CELF4: variants seen among roughly 807,000 people sequenced by gnomAD.
CELF4 encodes CUGBP Elav-like family member 4, also known as CUG-BP- and ETR-3-like factor 4.
CELF4 carries 18 observed loss-of-function variants against 59.9 expected under a neutral mutation model. That is an observed-to-expected ratio of 0.30 (90% CI 0.21 to 0.45). The LOEUF is 0.45. CELF4 is among the 20% of genes least tolerant of loss of function. The pLI, the probability that CELF4 is intolerant of heterozygous loss-of-function variation, is 1.00. For missense variants in CELF4, 456 were observed against 689.0 expected, an observed-to-expected ratio of 0.66 and a Z score of 3.79; for synonymous variants, 261 against 267.1, an observed-to-expected ratio of 0.98 and a Z score of 0.22.
At chr18:37,411,224 G>C (rs1348276917) in intron 2 of CELF4, among the ~76,000 whole-genome samples, 2 of 152,166 alleles carry the variant, frequency 1.3e-5, no homozygotes, top group African/African-American at 2.4e-5. Context: ...CCAAAGTGTT[G>C]GGATTACAGA....
At chr18:37,437,513 G>A (rs2099696761) in intron 2 of CELF4, among the ~76,000 whole-genome samples, 1 of 152,194 alleles carries the variant, frequency 6.6e-6, no homozygotes, top group Non-Finnish European at 1.5e-5. Context: ...GGGGGAATGG[G>A]GGCATAAATG....
At chr18:37,547,157 T>TGGG (rs60868823) in intron 1 of CELF4, among the ~76,000 whole-genome samples, 1 of 103,854 alleles carries the variant, frequency 9.6e-6, no homozygotes, top group South Asian at 4.1e-4. Context: ...TGTGTGTGTG[T>TGGG]GTGGTGTGTG....
At chr18:37,299,436 T>TG (rs2095862016) in intron 3 of CELF4, among the ~76,000 whole-genome samples, 2 of 152,002 alleles carry the variant, frequency 1.3e-5, no homozygotes, top group African/African-American at 4.8e-5. Flanking sequence ...CCCAGGGGCC[T>TG]GGTATGGGGG....
At chr18:37,302,597 G>A (rs1055091517) in intron 3 of CELF4, among the ~76,000 whole-genome samples, 1 of 152,232 alleles carries the variant, frequency 6.6e-6, no homozygotes, top group Non-Finnish European at 1.5e-5. Flanking sequence ...TTTCCTGGAG[G>A]TGGGGAGGTG....
chr18:37,381,578 A>C (rs964896036), intron 2 of CELF4, among the ~76,000 whole-genome samples: 2 of 152,100 alleles, frequency 1.3e-5, no homozygotes, highest in Non-Finnish European at 2.9e-5. Flanking sequence ...CAAAACCCCC[A>C]TTTGAATGGG....
In CELF4 at chr18:37,519,434, G is replaced by A. The variant is rs556933336; in HGVS notation, c.287-33827C>T. Among the ~76,000 whole-genome samples, 168 of 152,184 alleles carry A rather than the reference G, an allele frequency of 1.1e-3. 1 individual carries two copies. The highest frequency in any genetic ancestry group is 3.9e-3 in the African/African-American group (162 of 41,522). ...TTTGCGCCTTCCTCCCCCTTCTGCAGGTCATCTTTCTTGGAGGCTTCAGTG... is the reference window on the plus strand; with the variant it reads ...TTTGCGCCTTCCTCCCCCTTCTGCAAGTCATCTTTCTTGGAGGCTTCAGTG... On this transcript the variant is annotated intron_variant, in intron 1 of 12. Coordinates refer to ENST00000420428, the MANE Select transcript of CELF4 (RefSeq NM_020180.4).
chr18:37,504,695 C>T lies in CELF4; in HGVS notation c.287-19088G>A, dbSNP rs150470157. The stretch of plus-strand genomic sequence containing the variant: ...TCACCACCAGCACAATGAAGCACTG[C>T]CTCGGGCGAGGGGCGGTGCTTAGCA... On this transcript the variant is annotated intron_variant, in intron 1 of 12. Coordinates refer to ENST00000420428, the MANE Select transcript of CELF4 (RefSeq NM_020180.4). Among the ~76,000 whole-genome samples, 71 of 152,248 alleles carry T rather than the reference C, an allele frequency of 4.7e-4. 1 individual carries two copies. Among genetic ancestry groups the T allele is most frequent in the African/African-American group, 1.7e-3 (69 of 41,532 alleles).
chr18:37,253,711 G>T lies in CELF4; in HGVS notation c.*44+56C>A. ...CCCACGGAGGCCGGAGGAGGCGGCGGGTCCGTCTGGTTCCCTCCCAACCCC... is the reference window on the plus strand; with the variant it reads ...CCCACGGAGGCCGGAGGAGGCGGCGTGTCCGTCTGGTTCCCTCCCAACCCC... On this transcript the variant is annotated intron_variant, in intron 12 of 12. Coordinates refer to ENST00000420428, the MANE Select transcript of CELF4 (RefSeq NM_020180.4). The surrounding 1 kb of genome is among the most constrained non-coding windows in gnomAD (Gnocchi z 4.5). 1 of 1,354,048 alleles carries T rather than the reference G, an allele frequency of 7.4e-7. No individual in the cohort carries two copies. Among genetic ancestry groups the T allele is most frequent in the Non-Finnish European group, 9.9e-7 (1 of 1,013,908 alleles). The allele number at this position is 1,354,048 out of a possible 1,614,324, so 83.9% of individuals were successfully genotyped here.
At chr18:37,505,761 T>C (rs2099937097) in intron 1 of CELF4, among the ~76,000 whole-genome samples, 1 of 152,182 alleles carries the variant, frequency 6.6e-6, no homozygotes, top group African/African-American at 2.4e-5. Context: ...CTGCCCAGAC[T>C]CTACAGGGGG....
At chr18:37,449,553 C>T (rs569963615) in intron 2 of CELF4, among the ~76,000 whole-genome samples, 1 of 152,260 alleles carries the variant, frequency 6.6e-6, no homozygotes, top group East Asian at 1.9e-4. Flanking sequence ...AAACAAATTC[C>T]CTGCTCCTGA....
intron 2 of CELF4, among the ~76,000 whole-genome samples, chr18:37,323,046 G>C (rs769043744): frequency 5.3e-5 from 8 of 152,212 alleles, no homozygotes; most frequent in Admixed American, 2.0e-4. Context: ...GGACCAGCCA[G>C]TCACAAGCTT....
chr18:37,511,785 G>C (rs887510885), intron 1 of CELF4, among the ~76,000 whole-genome samples: 1 of 151,886 alleles, frequency 6.6e-6, no homozygotes, highest in Non-Finnish European at 1.5e-5. Context: ...TGTAAAGCTG[G>C]AGGGAATACA....
intron 2 of CELF4, among the ~76,000 whole-genome samples, chr18:37,407,831 C>T (rs957872435): frequency 3.3e-5 from 5 of 152,050 alleles, no homozygotes; most frequent in African/African-American, 9.7e-5. Context: ...TGGTCCTATT[C>T]GGATAAGCAG....
chr18:37,430,253 A>G (rs2099640424), intron 2 of CELF4, among the ~76,000 whole-genome samples: 2 of 152,204 alleles, frequency 1.3e-5, no homozygotes, highest in South Asian at 2.1e-4. Flanking sequence ...CACTCAGTCA[A>G]TGCTGGTGGA....
At chr18:37,424,825 G>T (rs556759546) in intron 2 of CELF4, among the ~76,000 whole-genome samples, 1 of 152,184 alleles carries the variant, frequency 6.6e-6, no homozygotes, top group East Asian at 1.9e-4. Flanking sequence ...TCTAAGCTCC[G>T]AAGTCCAGGG....
chr18:37,405,781 G>A (rs2099384288), intron 2 of CELF4, among the ~76,000 whole-genome samples: 1 of 152,156 alleles, frequency 6.6e-6, no homozygotes. Flanking sequence ...GAGAGTGCCT[G>A]TGAGATATTA....
At chr18:37,423,266 G>C (rs770445870) in intron 2 of CELF4, among the ~76,000 whole-genome samples, 1 of 152,208 alleles carries the variant, frequency 6.6e-6, no homozygotes, top group East Asian at 1.9e-4. Context: ...GCTCATCCAC[G>C]TCCAGGTAGG....
chr18:37,492,893 G>A (rs898814009), intron 1 of CELF4, among the ~76,000 whole-genome samples: 3 of 152,088 alleles, frequency 2.0e-5, no homozygotes, highest in African/African-American at 7.2e-5. Flanking sequence ...GTAACAGGCG[G>A]GAAAAAGACC....
At chr18:37,453,658 A>G (rs2099770229) in intron 2 of CELF4, among the ~76,000 whole-genome samples, 2 of 152,150 alleles carry the variant, frequency 1.3e-5, no homozygotes, top group South Asian at 4.1e-4. Context: ...GGCACAGAGC[A>G]TCGGGGGTCA....
Sources: allele counts gnomAD v4.1 joint callset (sites outside exome capture counted in the v4.1 genomes callset), GRCh38; gene constraint gnomAD v4.1.1; non-coding constraint Gnocchi (gnomAD v3.1); transcripts MANE v1.5; gene names NCBI Gene and HGNC (gene_info 2026-07-23, HGNC 2026-07-21).